Variants in STK4 observed in about 807,000 individuals in gnomAD.
The protein encoded by STK4 is serine/threonine-protein kinase 4.
A neutral mutation model predicts 64.9 loss-of-function variants in STK4; 30 were observed. The ratio of observed to expected loss-of-function variants is 0.46; its 90% CI spans 0.35 to 0.63. The LOEUF (loss-of-function observed/expected upper bound fraction) is 0.63. STK4 is among the 20% of genes least tolerant of loss of function. STK4 has a pLI of 0.01. For missense variants in STK4, 466 were observed against 598.5 expected (o/e 0.78, Z 2.31); for synonymous variants, 177 against 199.0 (o/e 0.89, Z 0.93).
intron 10 of STK4, among the ~76,000 whole-genome samples, chr20:45,029,717 G>C (rs1395432726): frequency 6.6e-6 from 1 of 152,128 alleles, no homozygotes; most frequent in African/African-American, 2.4e-5. Flanking sequence ...GAATATCTGG[G>C]GACAGCACCC....
At chr20:44,998,551 T>C (rs981683477) in intron 7 of STK4, among the ~76,000 whole-genome samples, 5 of 152,198 alleles carry the variant, frequency 3.3e-5, no homozygotes, top group Non-Finnish European at 7.3e-5. Flanking sequence ...AAAACTCTCA[T>C]TACTTTTCTG....
intron 9 of STK4, among the ~76,000 whole-genome samples, chr20:45,018,474 G>T (rs1165196006): frequency 1.3e-5 from 2 of 152,018 alleles, no homozygotes; most frequent in Non-Finnish European, 2.9e-5. Context: ...TCAGTCTTTG[G>T]TCAAGGTCCT....
intron 6 of STK4, among the ~76,000 whole-genome samples, 172 bp from the exon 7 acceptor site, chr20:44,996,997 C>T (rs1402581746): frequency 6.6e-6 from 1 of 152,068 alleles, no homozygotes; most frequent in Admixed American, 6.6e-5. Flanking sequence ...GGAGATATAT[C>T]AGGTTCTTTA....
chr20:45,033,453 G>T (rs571257840), intron 10 of STK4, among the ~76,000 whole-genome samples: 15 of 152,036 alleles, frequency 9.9e-5, no homozygotes, highest in Non-Finnish European at 2.2e-4. Context: ...TTTTGTATAC[G>T]GTTTAAGGAG....
intron 10 of STK4, among the ~76,000 whole-genome samples, chr20:45,058,807 C>G (rs1978724597): frequency 6.6e-6 from 1 of 152,170 alleles, no homozygotes; most frequent in Non-Finnish European, 1.5e-5. Flanking sequence ...GATTAATATT[C>G]CTACAAGAAT....
At chr20:45,066,474 T>G (rs1979586062) in intron 10 of STK4, among the ~76,000 whole-genome samples, 1 of 152,218 alleles carries the variant, frequency 6.6e-6, no homozygotes, top group Admixed American at 6.5e-5. Flanking sequence ...GGACAAAGTC[T>G]TTGGGTTATT....
At position 44,966,520 on chromosome 20, in the gene STK4, C is replaced by G. The variant is rs1401911636; in HGVS notation, c.-49C>G. ...GTCTGCGGGGCGGGCTCAGGAGGTC[C>G]GCGGGAGGATGGAGCAGTGAGCGGG... On this transcript the variant is annotated 5_prime_UTR_variant, in exon 1 of 11. Transcript: ENST00000372806. The G allele has an allele frequency of 1.6e-6, 2 of 1,252,980 alleles. No individual in the cohort carries two copies. Among genetic ancestry groups the G allele is most frequent in the African/African-American group, 1.6e-5 (1 of 64,464 alleles). 77.6% of individuals were successfully genotyped at this position (1,252,980 alleles called of 1,614,324 possible).
At chr20:44,979,007 G>A (rs981760839) in intron 3 of STK4, among the ~76,000 whole-genome samples, 1 of 151,900 alleles carries the variant, frequency 6.6e-6, no homozygotes, top group Non-Finnish European at 1.5e-5. Context: ...CACCATATTC[G>A]TCAGGCTGAT....
intron 10 of STK4, among the ~76,000 whole-genome samples, chr20:45,033,499 C>T (rs189738228): frequency 1.3e-5 from 2 of 152,208 alleles, no homozygotes; most frequent in East Asian, 1.9e-4. Flanking sequence ...TATGGCTAGC[C>T]AGTTATCTCA....
chr20:45,039,266 T>TTCA lies in STK4; in HGVS notation c.1305+14138_1305+14140dup, dbSNP rs1460567943. Among the ~76,000 whole-genome samples, 6 of 152,120 alleles carry TTCA rather than the reference T, an allele frequency of 3.9e-5. No individual in the cohort carries two copies. In the East Asian group the frequency reaches 1.2e-3, roughly 29 times the overall value. ...GCATTGGGCATTTGGAAGATGTTGGTTCATTCAGTTACATGGATCTTCTAA... is the reference window on the plus strand; with the variant it reads ...GCATTGGGCATTTGGAAGATGTTGGTTCATCATTCAGTTACATGGATCTTCTAA... On this transcript the variant is annotated intron_variant, in intron 10 of 10. Transcript: ENST00000372806.
At chr20:45,023,599 A>T (rs1370777970) in intron 9 of STK4, among the ~76,000 whole-genome samples, 1 of 152,230 alleles carries the variant, frequency 6.6e-6, no homozygotes, top group African/African-American at 2.4e-5. Context: ...TACTAATCAG[A>T]GGCACAAAGA....
At chr20:45,061,872 CTTTTTTT>C (rs71197598) in intron 10 of STK4, among the ~76,000 whole-genome samples, 122 of 115,072 alleles carry the variant, frequency 1.1e-3, no homozygotes, top group African/African-American at 3.7e-3. Context: ...TCTTCTTCTT[CTTTTTTT>C]TTTTTTTTTT....
intron 9 of STK4, among the ~76,000 whole-genome samples, chr20:45,020,280 C>A (rs552440976): frequency 6.6e-6 from 1 of 152,230 alleles, no homozygotes; most frequent in South Asian, 2.1e-4. Flanking sequence ...ATATGGTGGT[C>A]ATGCAGTTTG....
intron 3 of STK4, among the ~76,000 whole-genome samples, chr20:44,980,266 A>G (rs1372533133): frequency 6.6e-6 from 1 of 152,134 alleles, no homozygotes; most frequent in South Asian, 2.1e-4. Context: ...TTTTTTCATT[A>G]ATATTTAATG....
chr20:45,041,340 T>TG lies in STK4; in HGVS notation c.1305+16211dup, dbSNP rs535486043. Among the ~76,000 whole-genome samples the TG allele has an allele frequency of 1.3e-3, 205 of 152,296 alleles. 1 individual carries two copies. The highest frequency in any genetic ancestry group is 4.8e-3 in the African/African-American group (200 of 41,568). Reference sequence around the variant, plus strand: ...ATGCATGCACGCACAGACAAATACATGTATGTTTGTACTACCATTCTGAGA... The same window carrying TG: ...ATGCATGCACGCACAGACAAATACATGGTATGTTTGTACTACCATTCTGAGA... On this transcript the variant is annotated intron_variant, in intron 10 of 10. Coordinates refer to ENST00000372806, the MANE Select transcript of STK4 (RefSeq NM_006282.5).
chr20:45,014,453 A>G (rs1256826484), intron 9 of STK4, among the ~76,000 whole-genome samples: 1 of 152,146 alleles, frequency 6.6e-6, no homozygotes, highest in Non-Finnish European at 1.5e-5. Context: ...TAAAATGGAA[A>G]GGATTAATTT....
chr20:45,006,254 T>TATTC (rs1390816142), intron 9 of STK4, among the ~76,000 whole-genome samples: 1 of 83,516 alleles, frequency 1.2e-5, no homozygotes, highest in Non-Finnish European at 3.1e-5. Context: ...GTTTCGGATG[T>TATTC]ATTTATTTAT....
chr20:45,029,360 A>G (rs1027413193), intron 10 of STK4, among the ~76,000 whole-genome samples: 9 of 152,186 alleles, frequency 5.9e-5, no homozygotes, highest in Non-Finnish European at 1.3e-4. Flanking sequence ...TTGGATTTAT[A>G]TATGCTTGAG....
intron 10 of STK4, among the ~76,000 whole-genome samples, chr20:45,031,234 A>G (rs1420294474): frequency 6.6e-6 from 1 of 152,074 alleles, no homozygotes; most frequent in East Asian, 1.9e-4. Context: ...GTGGAGAGAC[A>G]GGACATTCAG....
Sources: allele counts gnomAD v4.1 joint callset (sites outside exome capture counted in the v4.1 genomes callset), GRCh38; gene constraint gnomAD v4.1.1; transcripts MANE v1.5; gene names NCBI Gene and HGNC (gene_info 2026-07-23, HGNC 2026-07-21).